Variants in SMTNL1 observed in about 807,000 individuals in gnomAD.
SMTNL1 encodes the protein smoothelin-like protein 1.
Under a neutral mutation model 46.6 loss-of-function variants are expected in SMTNL1, and 41 were observed. The observed-to-expected ratio is 0.88, with a 90% CI of 0.69 to 1.14. The LOEUF is 1.14. Ranked by LOEUF, SMTNL1 falls within the 50% of genes most tolerant of loss-of-function variation. The pLI is 0.00. For missense variants in SMTNL1, 591 were observed against 626.1 expected, an observed-to-expected ratio of 0.94 and a Z score of 0.60; for synonymous variants, 234 against 234.2, an observed-to-expected ratio of 1.00 and a Z score of 0.01.
intron 1 of SMTNL1, 30 bp from the exon 2 acceptor site, chr11:57,542,611 T>A (rs375343959): frequency 6.4e-7 from 1 of 1,566,100 alleles, no homozygotes; most frequent in African/African-American, 1.4e-5. Context: ...GGCTGGGGCA[T>A]GACCAGGTCT....
At chr11:57,539,922 C>T (rs182564255) in intron 1 of SMTNL1, among the ~76,000 whole-genome samples, 9 of 152,230 alleles carry the variant, frequency 5.9e-5, no homozygotes, top group Non-Finnish European at 8.8e-5. Context: ...AGCTGAGATC[C>T]CATCACAGGA....
rs1215335515 is a variant in SMTNL1 at position 57,546,358 on chromosome 11, G to T, written c.1188+11G>T. 6.3e-7 allele frequency: 1 copy of T among 1,599,382 alleles called. No individual in the cohort carries two copies. Among genetic ancestry groups the T allele is most frequent in the Admixed American group, 1.7e-5 (1 of 58,136 alleles). On this transcript the variant is annotated intron_variant, in intron 6 of 7. Coordinates refer to ENST00000527972, the MANE Select transcript of SMTNL1 (RefSeq NM_001105565.3). ...ACAAAAAAATACGAGGTGGGCATGG[G>T]GCAGAGCTGCGTGGGTGGGGCAGGG...
chr11:57,539,297 C>G (rs1425200704), intron 1 of SMTNL1, among the ~76,000 whole-genome samples: 1 of 152,192 alleles, frequency 6.6e-6, no homozygotes, highest in Non-Finnish European at 1.5e-5. Flanking sequence ...GTAGAGGTCA[C>G]AGTGAGCTAT....
intron 1 of SMTNL1, among the ~76,000 whole-genome samples, chr11:57,541,084 G>A (rs1478138451): frequency 1.3e-5 from 2 of 152,220 alleles, no homozygotes; most frequent in African/African-American, 4.8e-5. Context: ...TCAGAGGACA[G>A]TGTGAGCATC....
In SMTNL1 at chr11:57,542,819, G is replaced by T. The variant is rs1402742620; in HGVS notation, c.177G>T (p.Glu59Asp). ...GAAAGCAGGAAAAGGCACCAGCCGA[G>T]GACGGCATGTCAGCAGAACTCCAGG... ...ESGKQEKAPA[E>D]DGMSAELQGE... The change falls in exon 2 of 8, where the codon GAG becomes GAT. Residue 59 changes from glutamate (E) to aspartate (D), a missense_variant. Physicochemically the swap from Glu to Asp is conservative, Grantham distance 45. Coordinates refer to ENST00000527972, the MANE Select transcript of SMTNL1 (RefSeq NM_001105565.3). 11 of 1,613,790 alleles carry T rather than the reference G, an allele frequency of 6.8e-6. No individual in the cohort carries two copies. The highest frequency in any genetic ancestry group is 8.5e-6 in the Non-Finnish European group (10 of 1,179,810).
At position 57,545,882 on chromosome 11, in the gene SMTNL1, G is replaced by A; in HGVS notation, c.919G>A (p.Glu307Lys). ...ACGTCTTTGGACTTCTCCATATAGT[G>A]AGTCTTCACCCAGCGACGTGCCCCA... Reference protein sequence around the residue: ...ASGQTSPSASESSPSDVPQSP... With the variant: ...ASGQTSPSASKSSPSDVPQSP... Residue 307 changes from glutamate (E) to lysine (K), a missense_variant and splice_region_variant, in exon 5 of 8, where the codon GAG (glutamate) becomes AAG (lysine). Transcript: ENST00000527972. The A allele has an allele frequency of 6.2e-7, 1 of 1,612,112 alleles. No individual in the cohort carries two copies. The highest frequency in any genetic ancestry group is 1.3e-5 in the African/African-American group (1 of 74,970).
chr11:57,543,395 G>T, intron 2 of SMTNL1, 21 bp downstream of exon 2: 1 of 1,605,758 alleles, frequency 6.2e-7, no homozygotes, highest in Non-Finnish European at 8.5e-7. Context: ...CAGGAAAGGA[G>T]CAAGGAGGCT....
At chr11:57,545,819 T>G in intron 4 of SMTNL1, 62 bp from the exon 5 acceptor site, 1 of 666,562 alleles carries the variant, frequency 1.5e-6, no homozygotes, top group Non-Finnish European at 2.4e-6. Flanking sequence ...CACAGCCCCC[T>G]CCCTGTGTCC....
At chr11:57,546,137 G>A in intron 5 of SMTNL1, 96 bp from the exon 6 acceptor site, 1 of 1,507,590 alleles carries the variant, frequency 6.6e-7, no homozygotes, top group Non-Finnish European at 8.9e-7. Context: ...GGCCAAGGCA[G>A]GAGGACTGAC....
At chr11:57,537,871 C>G (rs1944841257) in intron 1 of SMTNL1, among the ~76,000 whole-genome samples, 1 of 152,218 alleles carries the variant, frequency 6.6e-6, no homozygotes, top group Non-Finnish European at 1.5e-5. Flanking sequence ...GAGGAGGCCA[C>G]AGAGCAGGGG....
intron 7 of SMTNL1, among the ~76,000 whole-genome samples, chr11:57,549,048 C>G (rs1385144064): frequency 7.0e-6 from 1 of 143,618 alleles, no homozygotes; most frequent in East Asian, 2.0e-4. Context: ...TTTTTTGAGA[C>G]AGAGTATCAC....
At chr11:57,549,865 C>T (rs1165533009) in intron 7 of SMTNL1, 103 bp from the exon 8 acceptor site, 40 of 1,269,746 alleles carry the variant, frequency 3.2e-5, no homozygotes, top group Non-Finnish European at 3.7e-5. Context: ...CATCCCAGCC[C>T]ATCCTATGGG....
Position 57,542,707 on chromosome 11 carries a change from C to CTGAGATGTCAGGAGGTGGAGCCCCTGCA in SMTNL1, c.66_93dup (p.Glu32Ter). On this transcript the variant is annotated frameshift_variant, in exon 2 of 8. Transcript: ENST00000527972. LOFTEE classifies it high-confidence loss of function. ...ACCGTCTCCCCAGCTGCGGACAACC[C>CTGAGATGTCAGGAGGTGGAGCCCCTGCA]TGAGATGTCAGGAGGTGGAGCCCCT... 1 of 1,613,940 alleles carries CTGAGATGTCAGGAGGTGGAGCCCCTGCA rather than the reference C, an allele frequency of 6.2e-7. No individual in the cohort carries two copies. The highest frequency in any genetic ancestry group is 8.5e-7 in the Non-Finnish European group (1 of 1,179,866).
intron 4 of SMTNL1, among the ~76,000 whole-genome samples, chr11:57,544,460 G>A (rs117687231): frequency 2.1e-3 from 326 of 152,304 alleles, no homozygotes; most frequent in Non-Finnish European, 3.6e-3. Context: ...CCATGCCATG[G>A]CTGAAGTCTG....
rs569629634 is a variant in SMTNL1, at chr11:57,549,357, A to C, written c.1341-611A>C. On this transcript the variant is annotated intron_variant, in intron 7 of 7. Coordinates refer to ENST00000527972, the MANE Select transcript of SMTNL1 (RefSeq NM_001105565.3). ...AATTCTTCCTGAGGGGCCTGGTCTA[A>C]CAGAAGCTCCCCGGTTCCAGAGGAC... Among the ~76,000 whole-genome samples the C allele has an allele frequency of 1.7e-3, 258 of 151,794 alleles. 1 individual carries two copies. The highest frequency in any genetic ancestry group is 0.01 in the Middle Eastern group (3 of 292).
chr11:57,537,912 T>C (rs1462364526), intron 1 of SMTNL1, among the ~76,000 whole-genome samples: 1 of 152,062 alleles, frequency 6.6e-6, no homozygotes, highest in Non-Finnish European at 1.5e-5. Context: ...AGAGTCAAAC[T>C]GGGTTGGGGG....
Position 57,539,194 on chromosome 11 carries a change from T to A in SMTNL1, c.-3+1552T>A, listed in dbSNP as rs111552359. ...CGAGACCCCATCTCTATAAAAAAAA[T>A]AAAAAACAAAAAATTAGCCAGGTGT... is the stretch of plus-strand genomic sequence containing the variant. On this transcript the variant is annotated intron_variant, in intron 1 of 7. Transcript: ENST00000527972. Among the ~76,000 whole-genome samples the A allele has an allele frequency of 6.3e-3, 959 of 151,524 alleles. 11 individuals are homozygous for A. The highest frequency in any genetic ancestry group is 0.022 in the African/African-American group (915 of 41,210).
chr11:57,537,888 C>A (rs1349475885), intron 1 of SMTNL1, among the ~76,000 whole-genome samples: 3 of 152,152 alleles, frequency 2.0e-5, no homozygotes, highest in African/African-American at 4.8e-5. Context: ...GGGGAGGGGA[C>A]CTTGGGAGTC....
At chr11:57,538,816 G>T (rs138143661) in intron 1 of SMTNL1, among the ~76,000 whole-genome samples, 10 of 152,328 alleles carry the variant, frequency 6.6e-5, no homozygotes, top group Admixed American at 1.3e-4. Flanking sequence ...CCAAGAGAAA[G>T]CAGGGCCTCC....
Sources: gnomAD v4.1 joint callset for allele counts (sites outside exome capture counted in the v4.1 genomes callset) on GRCh38, gnomAD v4.1.1 for gene constraint, MANE v1.5 for transcripts, NCBI Gene and HGNC (gene_info 2026-07-23, HGNC 2026-07-21) for gene names.